The following IPMK variants were observed in gnomAD, a reference collection of about 807,000 sequenced individuals.
IPMK encodes inositol 1,3,4,6-tetrakisphosphate 5-kinase.
Under a neutral mutation model 45.8 loss-of-function variants are expected in IPMK, and 17 were observed. That is an observed-to-expected ratio of 0.37 (90% CI 0.25 to 0.56). IPMK has a LOEUF of 0.56. Among genes scored for constraint, IPMK ranks in the 20% least tolerant of loss-of-function variants. The probability of loss-of-function intolerance (pLI) is 0.79; values close to 1 mark genes in which losing one functional copy is unlikely to be tolerated. For synonymous variants in IPMK, 180 were observed against 184.3 expected, an observed-to-expected ratio of 0.98 and a Z score of 0.19; for missense variants, 399 against 498.0, an observed-to-expected ratio of 0.80 and a Z score of 1.89.
chr10:58,242,568 T>C (rs1456209447), intron 1 of IPMK, among the ~76,000 whole-genome samples: 1 of 151,450 alleles, frequency 6.6e-6, no homozygotes, highest in Non-Finnish European at 1.5e-5. Flanking sequence ...ATAACAGAGA[T>C]GAAGAAAGCT....
intron 2 of IPMK, 149 bp from the exon 3 acceptor site, chr10:58,227,288 T>G: frequency 3.4e-6 from 2 of 583,872 alleles, no homozygotes; most frequent in South Asian, 4.3e-5. Flanking sequence ...AATATTACTG[T>G]GTGTCTCCAA....
chr10:58,216,898 C>A (rs1838251686), intron 3 of IPMK, among the ~76,000 whole-genome samples: 2 of 152,116 alleles, frequency 1.3e-5, no homozygotes, highest in South Asian at 4.1e-4. Flanking sequence ...GTTGCCTGGG[C>A]TAGACTGCAG....
chr10:58,242,389 G>A (rs1297167801), intron 1 of IPMK, among the ~76,000 whole-genome samples: 4 of 151,546 alleles, frequency 2.6e-5, no homozygotes, highest in Non-Finnish European at 4.4e-5. Context: ...GAACCCAGGC[G>A]GTAGGGGTTG....
At chr10:58,240,908 C>T (rs964494734) in intron 1 of IPMK, among the ~76,000 whole-genome samples, 1 of 152,110 alleles carries the variant, frequency 6.6e-6, no homozygotes, top group African/African-American at 2.4e-5. Flanking sequence ...ATCAGAGGTA[C>T]AGGCATTAAG....
At chr10:58,207,631 G>C (rs1307004539) in intron 4 of IPMK, among the ~76,000 whole-genome samples, 4 of 152,072 alleles carry the variant, frequency 2.6e-5, no homozygotes, top group Admixed American at 2.6e-4. Flanking sequence ...GCTGTCAGTG[G>C]AGTACTGAAG....
At position 58,215,938 on chromosome 10, in the gene IPMK, C is replaced by T. The variant is rs116141259; in HGVS notation, c.546+207G>A. 7.5e-3 allele frequency among the ~76,000 whole-genome samples: 1,146 copies of T among 151,864 alleles called. 16 individuals are homozygous for T. Among genetic ancestry groups the T allele is most frequent in the African/African-American group, 0.024 (991 of 41,386 alleles). On this transcript the variant is annotated intron_variant, in intron 4 of 5. Coordinates refer to ENST00000373935, the MANE Select transcript of IPMK (RefSeq NM_152230.5). ...TTTATCAATCACCCTACTATGTTCCCGAACCAGAGAAACTGACCATATATC... is the reference window on the plus strand; with the variant it reads ...TTTATCAATCACCCTACTATGTTCCTGAACCAGAGAAACTGACCATATATC...
At chr10:58,210,494 C>T (rs1373173291) in intron 4 of IPMK, among the ~76,000 whole-genome samples, 1 of 152,172 alleles carries the variant, frequency 6.6e-6, no homozygotes, top group Non-Finnish European at 1.5e-5. Flanking sequence ...CTTGAAATTG[C>T]CACAAAATTC....
intron 1 of IPMK, among the ~76,000 whole-genome samples, chr10:58,264,833 GA>G (rs1839125738): frequency 6.6e-6 from 1 of 152,152 alleles, no homozygotes; most frequent in African/African-American, 2.4e-5. Flanking sequence ...TACAGAATGA[GA>G]AAAGTTGCTG....
chr10:58,256,522 C>T (rs574185949), intron 1 of IPMK, among the ~76,000 whole-genome samples: 35 of 152,294 alleles, frequency 2.3e-4, no homozygotes, highest in Non-Finnish European at 4.1e-4. Flanking sequence ...ATTCTAATTT[C>T]GCCCTGGCCT....
chr10:58,245,550 T>G (rs1260692632), intron 1 of IPMK, among the ~76,000 whole-genome samples: 2 of 147,562 alleles, frequency 1.4e-5, no homozygotes, highest in African/African-American at 5.2e-5. Context: ...AGGCGGATGC[T>G]ACAGTGAGCT....
In IPMK at chr10:58,192,621, G is replaced by C. The variant is rs1837834025; in HGVS notation, c.*3455C>G. On this transcript the variant is annotated 3_prime_UTR_variant, in exon 6 of 6. Transcript: ENST00000373935. ...CCATCCAAAGAGAATGCTGAAAATG[G>C]TTAGGGCCTTATCCGTTTGGTTCAC... is the stretch of plus-strand genomic sequence containing the variant. 6.6e-6 allele frequency: 1 copy of C among 151,868 alleles called. No individual in the cohort carries two copies. 9.4% of individuals were successfully genotyped at this position (151,868 alleles called of 1,614,324 possible). A position where few individuals can be genotyped will look rare whatever the true frequency, so the allele number is the denominator to read the frequency against.
chr10:58,210,226 G>C (rs1158224479), intron 4 of IPMK, among the ~76,000 whole-genome samples: 1 of 152,062 alleles, frequency 6.6e-6, no homozygotes, highest in Admixed American at 6.6e-5. Context: ...AGTAGCGAAG[G>C]GACTCACCCA....
intron 2 of IPMK, among the ~76,000 whole-genome samples, chr10:58,228,176 G>A (rs929953415): frequency 9.2e-5 from 14 of 152,182 alleles, no homozygotes; most frequent in Non-Finnish European, 1.8e-4. Context: ...CACAATGACC[G>A]TGGGTGCAGT....
chr10:58,196,391 T>C lies in IPMK; in HGVS notation c.936A>G (p.Lys312=), dbSNP rs1837893911. ...GACGCGCATACATCTTGGACAAGCT[T>C]TTGCCCACTGAAGACTCTATTTTTC... is the stretch of plus-strand genomic sequence containing the variant. ...ANGKIESSVG[K]SLSKMYARHR... is the part of the protein sequence containing the mutation. The change falls in exon 6 of 6, where the codon AAA becomes AAG. Residue 312 remains lysine, a synonymous_variant. Transcript: ENST00000373935. The C allele has an allele frequency of 1.2e-6, 2 of 1,613,994 alleles. No homozygotes were observed. Among genetic ancestry groups the C allele is most frequent in the South Asian group, 2.2e-5 (2 of 91,088 alleles).
chr10:58,246,622 T>C (rs1838805091), intron 1 of IPMK, among the ~76,000 whole-genome samples: 1 of 132,380 alleles, frequency 7.6e-6, no homozygotes, highest in Non-Finnish European at 1.5e-5. Flanking sequence ...TGAAACTGGA[T>C]CCCTTCTTTA....
chr10:58,197,322 A>AATAAATAAATAAATACATACATACATAC lies in IPMK; in HGVS notation c.629-625_629-624insGTATGTATGTATGTATTTATTTATTTAT, dbSNP rs1212863029. Among the ~76,000 whole-genome samples, 279 of 110,072 alleles carry AATAAATAAATAAATACATACATACATAC rather than the reference A, an allele frequency of 2.5e-3. 4 individuals carry two copies. The highest frequency in any genetic ancestry group is 0.01 in the South Asian group (45 of 4,290). 72.2% of individuals were successfully genotyped at this position (110,072 alleles called of 152,430 possible). A position where few individuals can be genotyped will look rare whatever the true frequency, so the allele number is the denominator to read the frequency against. ...TCAAAAATAAATAAATAAATAAATAAATAAATACATAAATACATAAACACA... is the reference window on the plus strand; with the variant it reads ...TCAAAAATAAATAAATAAATAAATAAATAAATAAATAAATACATACATACATACATAAATACATAAATACATAAACACA... On this transcript the variant is annotated intron_variant, in intron 5 of 5. Transcript: ENST00000373935.
At chr10:58,266,447 T>C (rs918543171) in intron 1 of IPMK, among the ~76,000 whole-genome samples, 6 of 152,352 alleles carry the variant, frequency 3.9e-5, no homozygotes, top group African/African-American at 1.4e-4. Context: ...TAACATATTG[T>C]AACGTGACTT....
intron 1 of IPMK, among the ~76,000 whole-genome samples, chr10:58,265,812 ATTACATACT>A (rs1204318346): frequency 6.6e-6 from 1 of 152,188 alleles, no homozygotes; most frequent in Non-Finnish European, 1.5e-5. Flanking sequence ...TGGGATCACT[ATTACATACT>A]GTAATAAGCA....
chr10:58,232,109 C>G (rs1838532793), intron 2 of IPMK, among the ~76,000 whole-genome samples: 1 of 151,984 alleles, frequency 6.6e-6, no homozygotes, highest in Non-Finnish European at 1.5e-5. Context: ...AAAGGGATCA[C>G]TCAATTCAAC....
Sources: gnomAD v4.1 joint callset for allele counts (sites outside exome capture counted in the v4.1 genomes callset) on GRCh38, gnomAD v4.1.1 for gene constraint, MANE v1.5 for transcripts, NCBI Gene and HGNC (gene_info 2026-07-23, HGNC 2026-07-21) for gene names.